Variants in USH2A observed in about 807,000 individuals in gnomAD.
The protein encoded by USH2A is Usher syndrome 2A (autosomal recessive, mild).
Under a neutral mutation model 538.9 loss-of-function variants are expected in USH2A, and 443 were observed. The observed-to-expected ratio is 0.82, with a 90% confidence interval of 0.76 to 0.89. The LOEUF (loss-of-function observed/expected upper bound fraction) is 0.89, where lower values mean the gene tolerates loss of function less well. USH2A is among the 40% of genes least tolerant of loss of function. The pLI, the probability that USH2A is intolerant of heterozygous loss-of-function variation, is 0.00. For synonymous variants in USH2A, 2,413 were observed against 2,273.5 expected (o/e 1.06, Z -1.75); for missense variants, 6,633 against 6,324.8 (o/e 1.05, Z -1.65).
chr1:216,396,732 A>G (rs767333959), intron 3 of USH2A, among the ~76,000 whole-genome samples: 1 of 152,182 alleles, frequency 6.6e-6, no homozygotes, highest in Admixed American at 6.5e-5. Context: ...AAAAAATCAG[A>G]TACAAACTAT....
rs1354093518 is a variant in USH2A, at chr1:215,674,831, G to A, written c.13080C>T (p.Ser4360=). 1.2e-6 allele frequency: 2 copies of A among 1,614,170 alleles called. No individual in the cohort carries two copies. The highest frequency in any genetic ancestry group is 1.1e-5 in the South Asian group (1 of 91,086). The change falls in exon 63 of 72, where the codon AGC becomes AGT. Residue 4360 remains serine (S), a synonymous_variant. Transcript: ENST00000307340. The part of the protein sequence containing the change: ...TTLEAAPSEV[S]PPDLWAVSAT... ...CACTGACGGCCCAAAGATCTGGAGG[G>A]CTGACTTCTGATGGAGCAGCCTCCA...
intron 3 of USH2A, among the ~76,000 whole-genome samples, chr1:216,414,079 G>A (rs1037057960): frequency 5.3e-5 from 8 of 151,948 alleles, no homozygotes. Context: ...GTAACCAAAG[G>A]AAATCTTATA....
chr1:215,683,794 C>T (rs1199442048), intron 61 of USH2A, among the ~76,000 whole-genome samples: 4 of 131,982 alleles, frequency 3.0e-5, no homozygotes, highest in African/African-American at 9.9e-5. Context: ...AATACTCTTA[C>T]TTCTTCCCCT....
intron 14 of USH2A, among the ~76,000 whole-genome samples, chr1:216,225,833 T>C (rs571696302): frequency 1.3e-5 from 2 of 152,168 alleles, no homozygotes; most frequent in Non-Finnish European, 2.9e-5. Context: ...GTGCTGACTA[T>C]ATTAAAAATG....
At chr1:216,398,817 A>C (rs888284280) in intron 3 of USH2A, among the ~76,000 whole-genome samples, 1 of 152,138 alleles carries the variant, frequency 6.6e-6, no homozygotes, top group African/African-American at 2.4e-5. Context: ...TCCATTCTCC[A>C]CTTGTTGAAA....
intron 32 of USH2A, among the ~76,000 whole-genome samples, chr1:216,014,758 C>A (rs1009214026): frequency 6.6e-6 from 1 of 152,202 alleles, no homozygotes; most frequent in African/African-American, 2.4e-5. Context: ...GGAAATGCAT[C>A]CCAGTGCATG....
chr1:216,385,185 G>C (rs979969768), intron 3 of USH2A, among the ~76,000 whole-genome samples: 4 of 152,148 alleles, frequency 2.6e-5, no homozygotes, highest in Non-Finnish European at 2.9e-5. Flanking sequence ...AAAAGAAAAA[G>C]AAGAAAGCAA....
At chr1:216,081,524 A>G (rs1423129726) in intron 26 of USH2A, among the ~76,000 whole-genome samples, 1 of 152,132 alleles carries the variant, frequency 6.6e-6, no homozygotes, top group Admixed American at 6.6e-5. Flanking sequence ...TTTCAGTTGC[A>G]TGGGAAGTGT....
chr1:216,407,125 C>T (rs1300755860), intron 3 of USH2A, among the ~76,000 whole-genome samples: 2 of 152,036 alleles, frequency 1.3e-5, no homozygotes, highest in Non-Finnish European at 2.9e-5. Flanking sequence ...TTCCCTCTTT[C>T]TTTCCCTTCC....
At chr1:216,255,356 G>C (rs958215942) in intron 11 of USH2A, among the ~76,000 whole-genome samples, 1 of 152,134 alleles carries the variant, frequency 6.6e-6, no homozygotes, top group Non-Finnish European at 1.5e-5. Flanking sequence ...TCCTAGCATA[G>C]GCATTTAGTG....
intron 21 of USH2A, among the ~76,000 whole-genome samples, chr1:216,112,769 T>C (rs1428659607): frequency 6.6e-6 from 1 of 152,110 alleles, no homozygotes; most frequent in Non-Finnish European, 1.5e-5. Flanking sequence ...TCTATGTTCC[T>C]GCAAAAGACA....
At chr1:215,955,513 C>T (rs1416463868) in intron 37 of USH2A, among the ~76,000 whole-genome samples, 4 of 152,098 alleles carry the variant, frequency 2.6e-5, no homozygotes, top group Non-Finnish European at 5.9e-5. Context: ...TCCAAATAAA[C>T]AAATAAATTT....
chr1:215,767,763 A>G (rs1458050477), intron 55 of USH2A, among the ~76,000 whole-genome samples: 1 of 152,194 alleles, frequency 6.6e-6, no homozygotes, highest in South Asian at 2.1e-4. Flanking sequence ...ACAAGAGAAG[A>G]TGAAATAGGA....
Position 216,324,171 on chromosome 1 carries a change from G to T in USH2A, c.1325C>A (p.Ser442Tyr). Residue 442 changes from serine to tyrosine, a missense_variant, in exon 7 of 72, where the codon TCC becomes TAC. By Grantham distance (144) the Ser-to-Tyr change is moderately radical. Transcript: ENST00000307340. ...KPDSVNCLQL[S>Y]NFTPYSRGNV... Reference sequence around the variant, plus strand: ...AATTGTTTAAAAATATTCATACTTGGAAAGCTGAAGACAGTTGACAGAATC... The same window carrying T: ...AATTGTTTAAAAATATTCATACTTGTAAAGCTGAAGACAGTTGACAGAATC... 6.2e-7 allele frequency: 1 copy of T among 1,612,724 alleles called. No individual in the cohort carries two copies. Among genetic ancestry groups the T allele is most frequent in the Non-Finnish European group, 8.5e-7 (1 of 1,179,386 alleles).
At chr1:216,379,125 G>C (rs1330328666) in intron 3 of USH2A, among the ~76,000 whole-genome samples, 9 of 152,142 alleles carry the variant, frequency 5.9e-5, no homozygotes, top group Non-Finnish European at 1.0e-4. Flanking sequence ...TGATGGGAAA[G>C]AGCATGAGAA....
chr1:216,403,582 T>C (rs2039343356), intron 3 of USH2A, among the ~76,000 whole-genome samples: 1 of 152,162 alleles, frequency 6.6e-6, no homozygotes, highest in African/African-American at 2.4e-5. Flanking sequence ...AGTTTTGAAA[T>C]ACAAGATCAC....
At position 216,076,693 on chromosome 1, in the gene USH2A, A is replaced by G. The variant is rs569151872; in HGVS notation, c.5572+1396T>C. Among the ~76,000 whole-genome samples the G allele has an allele frequency of 7.2e-4, 109 of 152,158 alleles. 1 individual carries two copies. The highest frequency in any genetic ancestry group is 2.6e-3 in the African/African-American group (106 of 41,534). On this transcript the variant is annotated intron_variant, in intron 27 of 71. Coordinates refer to ENST00000307340, the MANE Select transcript of USH2A (RefSeq NM_206933.4). ...CTTGAAAATGTCATTACTGTCTTAC[A>G]CCCCAGTTATTCATTAACTCCTTAC...
chr1:215,630,878 C>A (rs1011802173), intron 70 of USH2A, among the ~76,000 whole-genome samples: 2 of 148,378 alleles, frequency 1.3e-5, no homozygotes, highest in Admixed American at 1.4e-4. Context: ...AAAAAAAAAA[C>A]CTTGGTGAGT....
chr1:215,794,519 A>G (rs769747770), intron 50 of USH2A, among the ~76,000 whole-genome samples: 2 of 152,196 alleles, frequency 1.3e-5, no homozygotes, highest in Non-Finnish European at 2.9e-5. Context: ...TTAAGGTCAC[A>G]GTCATTAGGG....
Sources: allele counts gnomAD v4.1 joint callset (sites outside exome capture counted in the v4.1 genomes callset), GRCh38; gene constraint gnomAD v4.1.1; transcripts MANE v1.5; gene names NCBI Gene and HGNC (gene_info 2026-07-23, HGNC 2026-07-21).